Variants in CSMD1 observed in about 807,000 individuals in gnomAD.
CSMD1 encodes the protein CUB and Sushi multiple domains 1, also known as CUB and sushi domain-containing protein 1.
In CSMD1, 213 loss-of-function variants were observed where a neutral mutation model predicts 417.5. The observed-to-expected ratio is 0.51, with a 90% CI of 0.46 to 0.57. CSMD1 has a LOEUF of 0.57. CSMD1 is among the 20% of genes least tolerant of loss of function. The probability of loss-of-function intolerance (pLI) is 0.00; values close to 1 mark genes in which losing one functional copy is unlikely to be tolerated. For missense variants in CSMD1, 6,923 were observed against 4,529.7 expected, an observed-to-expected ratio of 1.53 and a Z score of -15.17; for synonymous variants, 2,862 against 1,736.8, an observed-to-expected ratio of 1.65 and a Z score of -16.11.
chr8:4,294,593 G>A (rs1797561389), intron 3 of CSMD1, among the ~76,000 whole-genome samples: 1 of 152,052 alleles, frequency 6.6e-6, no homozygotes, highest in Non-Finnish European at 1.5e-5. Context: ...CCAGAAACCA[G>A]GTCTAAGGAC....
chr8:4,376,425 T>C (rs1430983041), intron 3 of CSMD1, among the ~76,000 whole-genome samples: 2 of 152,218 alleles, frequency 1.3e-5, no homozygotes, highest in Admixed American at 6.5e-5. Context: ...TTTTTTTCTT[T>C]ACGTTTCAAA....
intron 10 of CSMD1, among the ~76,000 whole-genome samples, chr8:3,495,837 G>T (rs548019173): frequency 6.6e-6 from 1 of 152,140 alleles, no homozygotes; most frequent in Admixed American, 6.5e-5. Context: ...CCCTCCTTAT[G>T]TCTTGCATGG....
chr8:4,752,411 G>T (rs1992200), intron 1 of CSMD1, among the ~76,000 whole-genome samples: 67,069 of 151,948 alleles, frequency 0.44, 15,510 homozygotes, highest in East Asian at 0.62. Flanking sequence ...TCATAGGTAT[G>T]GACTGAACTT....
rs142445771 is a variant in CSMD1 at position 4,107,508 on chromosome 8, G to A, written c.416-75409C>T. ...TATTTCAAACACCGAAGAATTCCAT[G>A]TCTACAGCACTAATTGATATCTGGG... On this transcript the variant is annotated intron_variant, in intron 3 of 69. Transcript: ENST00000635120. Among the ~76,000 whole-genome samples the A allele has an allele frequency of 8.3e-4, 127 of 152,320 alleles. 1 individual carries two copies. Among genetic ancestry groups the A allele is most frequent in the Non-Finnish European group, 1.0e-4 (7 of 68,040 alleles).
chr8:3,384,447 C>G (rs7819929), intron 18 of CSMD1, among the ~76,000 whole-genome samples: 1 of 150,812 alleles, frequency 6.6e-6, no homozygotes, highest in Non-Finnish European at 1.5e-5. Flanking sequence ...AGAATCCTTA[C>G]GCTATTGCAC....
intron 54 of CSMD1, among the ~76,000 whole-genome samples, chr8:2,994,175 A>AAAGAAG (rs1806665982): frequency 6.8e-6 from 1 of 148,010 alleles, no homozygotes; most frequent in African/African-American, 2.5e-5. Flanking sequence ...AAAAAAAGCA[A>AAAGAAG]GAAGAAGAAA....
chr8:4,217,666 A>G (rs1022312965), intron 3 of CSMD1, among the ~76,000 whole-genome samples: 11 of 151,890 alleles, frequency 7.2e-5, no homozygotes, highest in African/African-American at 2.7e-4. Context: ...CAGAAAAAAA[A>G]AAAAATTAGG....
At chr8:4,412,566 C>T (rs1048545151) in intron 3 of CSMD1, among the ~76,000 whole-genome samples, 2 of 151,984 alleles carry the variant, frequency 1.3e-5, no homozygotes, top group Admixed American at 6.6e-5. Context: ...TATACTAATA[C>T]AAGAATGGAC....
chr8:4,046,133 A>G (rs4875263), intron 3 of CSMD1, among the ~76,000 whole-genome samples: 53,841 of 151,906 alleles, frequency 0.35, 10,863 homozygotes, highest in East Asian at 0.67. Flanking sequence ...TATCTGATAT[A>G]TATGTATTAT....
chr8:4,597,139 C>G (rs564239041), intron 2 of CSMD1, among the ~76,000 whole-genome samples: 1 of 151,572 alleles, frequency 6.6e-6, no homozygotes, highest in East Asian at 1.9e-4. Context: ...TTGCAGCTAA[C>G]AAAAGCAGTT....
chr8:4,342,531 T>C (rs2128895925), intron 3 of CSMD1, among the ~76,000 whole-genome samples: 1 of 152,156 alleles, frequency 6.6e-6, no homozygotes, highest in South Asian at 2.1e-4. Context: ...GACATTTTCC[T>C]GATGTATGAC....
At chr8:2,956,422 A>G (rs1803012325) in intron 63 of CSMD1, among the ~76,000 whole-genome samples, 1 of 151,886 alleles carries the variant, frequency 6.6e-6, no homozygotes, top group African/African-American at 2.4e-5. Context: ...TTATTATAAA[A>G]CAAGTTTACA....
At position 4,109,292 on chromosome 8, in the gene CSMD1, G is replaced by T. The variant is rs188863081; in HGVS notation, c.416-77193C>A. On this transcript the variant is annotated intron_variant, in intron 3 of 69. Coordinates refer to ENST00000635120, the MANE Select transcript of CSMD1 (RefSeq NM_033225.6). ...GTTTGCAGAACACACAGATATGAAGGAGCAGCTGTATTTTTTTTCTATATT... is the reference window on the plus strand; with the variant it reads ...GTTTGCAGAACACACAGATATGAAGTAGCAGCTGTATTTTTTTTCTATATT... Among the ~76,000 whole-genome samples the T allele has an allele frequency of 8.6e-3, 1,301 of 152,130 alleles. 15 individuals carry two copies. Among genetic ancestry groups the T allele is most frequent in the Non-Finnish European group, 0.013 (854 of 68,000 alleles).
At chr8:4,470,310 T>C (rs1256818028) in intron 2 of CSMD1, among the ~76,000 whole-genome samples, 4 of 152,216 alleles carry the variant, frequency 2.6e-5, no homozygotes, top group Non-Finnish European at 4.4e-5. Flanking sequence ...CTTTATTTCA[T>C]GCTAGTTTCT....
intron 3 of CSMD1, among the ~76,000 whole-genome samples, chr8:4,057,837 T>C (rs1008331511): frequency 2.0e-5 from 3 of 152,204 alleles, no homozygotes; most frequent in African/African-American, 4.8e-5. Flanking sequence ...AAAGATCAGA[T>C]AGTTGTAGAT....
rs77358174 is a variant in CSMD1, at chr8:3,715,535, C to T, written c.932-7044G>A. ...TTACAAACTAAGACAAAGCAAGCAA[C>T]CTTTTTTATTTAGTTTTAGCTTTTT... On this transcript the variant is annotated intron_variant, in intron 6 of 69. Coordinates refer to ENST00000635120, the MANE Select transcript of CSMD1 (RefSeq NM_033225.6). Among the ~76,000 whole-genome samples, 53 of 152,154 alleles carry T rather than the reference C, an allele frequency of 3.5e-4. 1 individual carries two copies. Among genetic ancestry groups the T allele is most frequent in the Admixed American group, 1.6e-3 (24 of 15,272 alleles).
intron 2 of CSMD1, among the ~76,000 whole-genome samples, chr8:4,600,303 C>T (rs1398975937): frequency 2.6e-5 from 4 of 152,024 alleles, no homozygotes; most frequent in East Asian, 1.9e-4. Flanking sequence ...CTCTATGTAG[C>T]AAATATAGAG....
chr8:4,484,660 C>T (rs1280498277), intron 2 of CSMD1, among the ~76,000 whole-genome samples: 1 of 151,854 alleles, frequency 6.6e-6, no homozygotes, highest in Non-Finnish European at 1.5e-5. Context: ...ATGGTCCCTA[C>T]CTGGGAAGAT....
intron 2 of CSMD1, among the ~76,000 whole-genome samples, chr8:4,585,226 G>C (rs1056491215): frequency 2.0e-5 from 3 of 152,130 alleles, no homozygotes; most frequent in African/African-American, 7.2e-5. Context: ...AAGAACATCA[G>C]CAGAGAACTG....
Sources: allele counts gnomAD v4.1 joint callset (sites outside exome capture counted in the v4.1 genomes callset), GRCh38; gene constraint gnomAD v4.1.1; transcripts MANE v1.5; gene names NCBI Gene and HGNC (gene_info 2026-07-23, HGNC 2026-07-21).